Variants in ASIC2 observed in about 807,000 individuals in gnomAD.
ASIC2 encodes the protein acid-sensing ion channel 2.
In ASIC2, 25 loss-of-function variants were observed where a neutral mutation model predicts 57.3. That is an observed-to-expected ratio of 0.44 (90% CI 0.32 to 0.61). ASIC2 has a LOEUF of 0.61. Ranked by LOEUF, ASIC2 falls within the 20% of genes least tolerant of loss-of-function variation. ASIC2 has a pLI of 0.06. For synonymous variants in ASIC2, 319 were observed against 307.5 expected, an observed-to-expected ratio of 1.04 and a Z score of -0.39; for missense variants, 641 against 738.1, an observed-to-expected ratio of 0.87 and a Z score of 1.52.
chr17:33,855,041 G>C (rs1913882889), intron 1 of ASIC2, among the ~76,000 whole-genome samples: 1 of 152,182 alleles, frequency 6.6e-6, no homozygotes. Flanking sequence ...TGAGATGGGG[G>C]CAGGGGATGG....
At chr17:33,187,468 T>C (rs1906241227) in intron 1 of ASIC2, among the ~76,000 whole-genome samples, 1 of 152,106 alleles carries the variant, frequency 6.6e-6, no homozygotes, top group African/African-American at 2.4e-5. Flanking sequence ...TATTTCTCAT[T>C]GGCAAAAAAA....
intron 1 of ASIC2, among the ~76,000 whole-genome samples, chr17:34,026,685 T>C (rs1250176544): frequency 1.3e-5 from 2 of 152,186 alleles, no homozygotes; most frequent in African/African-American, 4.8e-5. Flanking sequence ...TTTCCCAGCA[T>C]TCATCAACTC....
chr17:33,996,491 T>C (rs1043134122), intron 1 of ASIC2, among the ~76,000 whole-genome samples: 1 of 152,222 alleles, frequency 6.6e-6, no homozygotes. Flanking sequence ...TCTAGTATCA[T>C]TGTTTAAGTC....
At chr17:34,147,932 G>A (rs376582172) in intron 1 of ASIC2, among the ~76,000 whole-genome samples, 8 of 152,252 alleles carry the variant, frequency 5.3e-5, no homozygotes, top group African/African-American at 1.4e-4. Context: ...CTACCAATTC[G>A]GTCTTTGGGA....
At chr17:33,738,460 C>G (rs573877384) in intron 1 of ASIC2, among the ~76,000 whole-genome samples, 1 of 152,288 alleles carries the variant, frequency 6.6e-6, no homozygotes, top group East Asian at 1.9e-4. Flanking sequence ...CATGCACCAG[C>G]CTATAAATAC....
chr17:33,291,173 G>T, intron 1 of ASIC2: 1 of 805,060 alleles, frequency 1.2e-6, no homozygotes, highest in East Asian at 3.0e-5. Flanking sequence ...GGAAGGAGGG[G>T]CTGGGACAGG....
intron 1 of ASIC2, among the ~76,000 whole-genome samples, chr17:33,386,149 C>T (rs1909669461): frequency 6.6e-6 from 1 of 152,174 alleles, no homozygotes; most frequent in Non-Finnish European, 1.5e-5. Flanking sequence ...TCTTTTCCCT[C>T]TCTATTTTCT....
chr17:33,286,830 T>C (rs925825126), intron 1 of ASIC2, among the ~76,000 whole-genome samples: 1 of 152,188 alleles, frequency 6.6e-6, no homozygotes, highest in Non-Finnish European at 1.5e-5. Context: ...AAAGGGCATG[T>C]ACCAAGCCTT....
chr17:33,923,442 T>G (rs1260067214), intron 1 of ASIC2, among the ~76,000 whole-genome samples: 1 of 152,172 alleles, frequency 6.6e-6, no homozygotes, highest in East Asian at 1.9e-4. Flanking sequence ...ATAAAATGAC[T>G]TCTCAGGGTC....
At chr17:33,227,505 G>A (rs1258097900) in intron 1 of ASIC2, among the ~76,000 whole-genome samples, 3 of 152,050 alleles carry the variant, frequency 2.0e-5, no homozygotes, top group African/African-American at 7.2e-5. Context: ...TAAAATATCA[G>A]GACAAAGGAG....
intron 1 of ASIC2, chr17:34,072,351 G>A (rs1327185079): frequency 6.6e-6 from 1 of 152,140 alleles, no homozygotes; most frequent in East Asian, 1.9e-4. Context: ...GCATTTTGGG[G>A]CTTGCTGTGT....
intron 1 of ASIC2, among the ~76,000 whole-genome samples, chr17:34,045,482 C>T (rs1005728498): frequency 2.0e-5 from 3 of 152,218 alleles, no homozygotes; most frequent in Non-Finnish European, 2.9e-5. Context: ...CAATGATTTT[C>T]AGTCTTTCCC....
chr17:33,578,737 A>G (rs1256615028), intron 1 of ASIC2, among the ~76,000 whole-genome samples: 1 of 152,166 alleles, frequency 6.6e-6, no homozygotes, highest in East Asian at 1.9e-4. Context: ...AGGGGGCACT[A>G]ATGGCTTTTC....
intron 1 of ASIC2, among the ~76,000 whole-genome samples, chr17:33,278,248 T>C (rs1904787627): frequency 6.6e-6 from 1 of 151,852 alleles, no homozygotes; most frequent in South Asian, 2.1e-4. Context: ...GGAAGGAGTC[T>C]TGTTCATTTA....
chr17:33,351,869 A>G (rs1908196349), intron 1 of ASIC2, among the ~76,000 whole-genome samples: 1 of 152,106 alleles, frequency 6.6e-6, no homozygotes, highest in Non-Finnish European at 1.5e-5. Context: ...GGGGATGAGG[A>G]TGGGGGAGTC....
At chr17:33,210,979 G>A (rs1907246399) in intron 1 of ASIC2, among the ~76,000 whole-genome samples, 1 of 152,184 alleles carries the variant, frequency 6.6e-6, no homozygotes, top group Non-Finnish European at 1.5e-5. Context: ...TGACTTAGCT[G>A]TCTATAGCAA....
At chr17:34,118,277 G>A (rs1007432053) in intron 1 of ASIC2, 4 of 152,326 alleles carry the variant, frequency 2.6e-5, no homozygotes, top group African/African-American at 9.6e-5. Flanking sequence ...GTTAATGTAT[G>A]TAAGAGGCTC....
intron 1 of ASIC2, among the ~76,000 whole-genome samples, chr17:33,597,326 C>T (rs2142008020): frequency 6.6e-6 from 1 of 152,296 alleles, no homozygotes; most frequent in Admixed American, 6.5e-5. Flanking sequence ...GAGTTTTTTT[C>T]ACCTACTGTA....
intron 1 of ASIC2, among the ~76,000 whole-genome samples, chr17:33,486,005 C>T (rs1201807989): frequency 2.0e-5 from 3 of 152,218 alleles, no homozygotes; most frequent in South Asian, 2.1e-4. Context: ...CCCCGCCTCA[C>T]GGCTGTGCCT....
Sources: allele counts gnomAD v4.1 joint callset (sites outside exome capture counted in the v4.1 genomes callset), GRCh38; gene constraint gnomAD v4.1.1; transcripts MANE v1.5; gene names NCBI Gene and HGNC (gene_info 2026-07-23, HGNC 2026-07-21).